The following RPL13A variants were observed in gnomAD, a reference collection of about 807,000 sequenced individuals.
The protein encoded by RPL13A is ribosomal protein L13a.
In RPL13A, 4 loss-of-function variants were observed where a neutral mutation model predicts 30.8. That is an observed-to-expected ratio of 0.13 (90% CI 0.06 to 0.30). RPL13A has a LOEUF of 0.30. Ranked by LOEUF, RPL13A falls within the 10% of genes least tolerant of loss-of-function variation. RPL13A has a pLI of 1.00. For synonymous variants in RPL13A, 108 were observed against 104.2 expected (o/e 1.04, Z -0.22); for missense variants, 196 against 272.6 (o/e 0.72, Z 1.98).
At chr19:49,490,137 C>T in intron 2 of RPL13A, 95 bp from the exon 3 acceptor site, 3 of 1,261,032 alleles carry the variant, frequency 2.4e-6, no homozygotes, top group South Asian at 2.4e-5. Context: ...GAACTTAGCT[C>T]TGGCAAGTAC....
chr19:49,490,244 T>A lies in RPL13A; in HGVS notation c.101T>A (p.Val34Glu). ...AKQVLLGRKVVVVRCEGINIS... is the reference protein window; with the variant it reads ...AKQVLLGRKVEVVRCEGINIS... ...TCCCTCCCTCTAGGCCGGAAGGTGG[T>A]GGTCGTACGCTGTGAAGGCATCAAC... The change falls in exon 3 of 8, where the codon GTG (valine) becomes GAG (glutamate). Residue 34 changes from valine (V) to glutamate (E), a missense_variant. Coordinates refer to ENST00000391857, the MANE Select transcript of RPL13A (RefSeq NM_012423.4). 1.9e-6 allele frequency: 3 copies of A among 1,614,066 alleles called. No individual in the cohort carries two copies. The highest frequency in any genetic ancestry group is 2.5e-6 in the Non-Finnish European group (3 of 1,180,030).
At chr19:49,491,126 C>G (rs2079863509) in intron 6 of RPL13A, 27 bp downstream of exon 6, 2 of 1,613,616 alleles carry the variant, frequency 1.2e-6, no homozygotes, top group East Asian at 4.5e-5. Context: ...GCTGCACCAT[C>G]TACTTGGGAG....
chr19:49,491,975 G>A lies in RPL13A; in HGVS notation c.*160G>A, dbSNP rs531536134. ...GAAAGGGTCTTAGTCACTGCCTCCCGAAGTTGCTTGAAAGCACTCGGAGAA... is the reference window on the plus strand; with the variant it reads ...GAAAGGGTCTTAGTCACTGCCTCCCAAAGTTGCTTGAAAGCACTCGGAGAA... On this transcript the variant is annotated 3_prime_UTR_variant, in exon 8 of 8. Coordinates refer to ENST00000391857, the MANE Select transcript of RPL13A (RefSeq NM_012423.4). The A allele has an allele frequency of 3.3e-5, 20 of 606,870 alleles. 1 individual carries two copies. Among genetic ancestry groups the A allele is most frequent in the Middle Eastern group, 2.6e-4 (1 of 3,860 alleles). 37.6% of individuals were successfully genotyped at this position (606,870 alleles called of 1,614,324 possible). A position where few individuals can be genotyped will look rare whatever the true frequency, so the allele number is the denominator to read the frequency against.
At chr19:49,490,125 AG>A (rs2079850618) in intron 2 of RPL13A, 106 bp from the exon 3 acceptor site, 1 of 1,195,680 alleles carries the variant, frequency 8.4e-7, no homozygotes, top group East Asian at 2.3e-5. Flanking sequence ...TCATTTAAAC[AG>A]GAACTTAGCT....
rs143993178 is a variant in RPL13A, at chr19:49,491,305, A to C, written c.403-120A>C. On this transcript the variant is annotated intron_variant, in intron 6 of 7. Coordinates refer to ENST00000391857, the MANE Select transcript of RPL13A (RefSeq NM_012423.4). ...TAACAGGCCTGCAGAGAACAGTTGC[A>C]TTATGATATGCCCAGCTGTCAGTCA... is the stretch of plus-strand genomic sequence containing the variant. The C allele has an allele frequency of 8.2e-4, 960 of 1,167,446 alleles. 3 individuals are homozygous for C. In the African/African-American group the frequency reaches 0.01, roughly 12 times the overall value. 72.3% of individuals were successfully genotyped at this position (1,167,446 alleles called of 1,614,324 possible). A position where few individuals can be genotyped will look rare whatever the true frequency, so the allele number is the denominator to read the frequency against.
rs2079847834 is a variant in RPL13A at position 49,489,941 on chromosome 19, C to T, written c.88+19C>T. 6.2e-7 allele frequency: 1 copy of T among 1,603,736 alleles called. No homozygotes were observed. The highest frequency in any genetic ancestry group is 1.3e-5 in the African/African-American group (1 of 74,842). The stretch of plus-strand genomic sequence containing the variant: ...CTGCTGGGTAAGTCGCTGCTCGTGG[C>T]CCCTCTGTCATGGGCCCCCGCTGGA... On this transcript the variant is annotated intron_variant, in intron 2 of 7. Transcript: ENST00000391857.
chr19:49,488,504 TC>T (rs1373849709), intron 1 of RPL13A, among the ~76,000 whole-genome samples: 3 of 152,244 alleles, frequency 2.0e-5, no homozygotes, highest in Non-Finnish European at 4.4e-5. Flanking sequence ...TTTGCGTAGT[TC>T]AGTTAACCAT....
chr19:49,489,945 T>A lies in RPL13A; in HGVS notation c.88+23T>A, dbSNP rs545314014. On this transcript the variant is annotated intron_variant, in intron 2 of 7. Coordinates refer to ENST00000391857, the MANE Select transcript of RPL13A (RefSeq NM_012423.4). ...TGGGTAAGTCGCTGCTCGTGGCCCC[T>A]CTGTCATGGGCCCCCGCTGGAGGTC... 98 of 1,589,602 alleles carry A rather than the reference T, an allele frequency of 6.2e-5. 1 individual carries two copies. The South Asian group carries it at 9.5e-4, about 15-fold the overall frequency.
intron 1 of RPL13A, 104 bp from the exon 2 acceptor site, chr19:49,489,746 A>G: frequency 1.1e-6 from 1 of 920,550 alleles, no homozygotes; most frequent in South Asian, 1.3e-5. Flanking sequence ...GCTGGGTGCA[A>G]GGCACGCTGT....
At chr19:49,488,604 G>A (rs533124389) in intron 1 of RPL13A, among the ~76,000 whole-genome samples, 1 of 152,362 alleles carries the variant, frequency 6.6e-6, no homozygotes, top group East Asian at 1.9e-4. Flanking sequence ...ACGACTTCAG[G>A]AAGTCTGTCT....
At position 49,491,735 on chromosome 19, in the gene RPL13A, C is replaced by T. The variant is rs201780488; in HGVS notation, c.532C>T (p.Arg178Trp). 3.5e-5 allele frequency: 57 copies of T among 1,613,174 alleles called. No individual in the cohort carries two copies. The highest frequency in any genetic ancestry group is 1.8e-4 in the Admixed American group (11 of 59,844). The change falls in exon 8 of 8, where the codon CGG becomes TGG. Residue 178 changes from arginine (R) to tryptophan (W), a missense_variant. Arg to Trp is a moderately radical substitution (Grantham distance 101). Coordinates refer to ENST00000391857, the MANE Select transcript of RPL13A (RefSeq NM_012423.4). ...YRKKKQLMRL[R>W]KQAEKNVEKK... is the part of the protein sequence containing the mutation. The stretch of plus-strand genomic sequence containing the variant: ...CTGCACTTATTCTTGGCAGAGGCTA[C>T]GGAAACAGGCCGAGAAGAACGTGGA...
chr19:49,490,859 G>A lies in RPL13A; in HGVS notation c.337G>A (p.Asp113Asn), dbSNP rs141525493. 4.3e-6 allele frequency: 7 copies of A among 1,613,984 alleles called. No homozygotes were observed. Among genetic ancestry groups the A allele is most frequent in the South Asian group, 1.1e-5 (1 of 91,078 alleles). Residue 113 changes from aspartate (D) to asparagine (N), a missense_variant, in exon 5 of 8, where the codon GAC (aspartate) becomes AAC (asparagine). Physicochemically the swap from Asp to Asn is conservative, Grantham distance 23. Transcript: ENST00000391857. The stretch of plus-strand genomic sequence containing the variant: ...GTTTGACGGCATCCCACCGCCCTAC[G>A]ACAAGGTGAGCTATGCCAAACCCCA... ...KVFDGIPPPY[D>N]KKKRMVVPAA...
chr19:49,490,058 C>A, intron 2 of RPL13A, 136 bp downstream of exon 2: 1 of 1,007,930 alleles, frequency 9.9e-7, no homozygotes. Flanking sequence ...GCCAGCCACT[C>A]TTCCCCAGGG....
chr19:49,490,676 A>T, intron 4 of RPL13A, 100 bp downstream of exon 4: 1 of 1,563,632 alleles, frequency 6.4e-7, no homozygotes, highest in South Asian at 1.1e-5. Context: ...AGATGACTCC[A>T]CATGCACTAC....
At position 49,487,618 on chromosome 19, in the gene RPL13A, C is replaced by A. The variant is rs533514670; in HGVS notation, c.-12C>A. On this transcript the variant is annotated 5_prime_UTR_variant, in exon 1 of 8. Coordinates refer to ENST00000391857, the MANE Select transcript of RPL13A (RefSeq NM_012423.4). ...CGACAAAACCTCCTCCTTTTCCAAG[C>A]GGCTGCCGAAGATGGCGGAGGTGCA... 2.5e-6 allele frequency: 4 copies of A among 1,575,770 alleles called. No individual in the cohort carries two copies. The East Asian group carries it at 9.3e-5, about 37-fold the overall frequency.
chr19:49,489,714 T>C (rs1391129356), intron 1 of RPL13A, 136 bp from the exon 2 acceptor site: 3 of 745,152 alleles, frequency 4.0e-6, no homozygotes, highest in African/African-American at 1.7e-5. Context: ...CGGGGCTCCG[T>C]GCATAGTTCC....
chr19:49,492,125 T>A lies in RPL13A; in HGVS notation c.*310T>A. ...TGGGGCATCTGTTGGACTTTCCACC[T>A]GGTCATATACTCTGCAGCTGTTAGA... On this transcript the variant is annotated 3_prime_UTR_variant, in exon 8 of 8. Transcript: ENST00000391857. 2.8e-6 allele frequency: 1 copy of A among 353,100 alleles called. No individual in the cohort carries two copies. The highest frequency in any genetic ancestry group is 2.8e-5 in the South Asian group (1 of 35,514). 21.9% of individuals were successfully genotyped at this position (353,100 alleles called of 1,614,324 possible). A position where few individuals can be genotyped will look rare whatever the true frequency, so the allele number is the denominator to read the frequency against.
rs2079858894 is a variant in RPL13A at position 49,490,805 on chromosome 19, G to A, written c.283G>A (p.Gly95Ser). The A allele has an allele frequency of 6.2e-7, 1 of 1,614,160 alleles. No homozygotes were observed. The highest frequency in any genetic ancestry group is 2.2e-5 in the East Asian group (1 of 44,874). The change falls in exon 5 of 8, where the codon GGC (glycine) becomes AGC (serine). Residue 95 changes from glycine to serine, a missense_variant. Transcript: ENST00000391857. ...RGMLPHKTKR[G>S]QAALDRLKVF... is the part of the protein sequence containing the mutation. ...TATGCTGCCCCACAAAACCAAGCGAGGCCAGGCCGCTCTGGACCGTCTCAA... is the reference window on the plus strand; with the variant it reads ...TATGCTGCCCCACAAAACCAAGCGAAGCCAGGCCGCTCTGGACCGTCTCAA...
Position 49,489,831 on chromosome 19 carries a change from T to C in RPL13A, c.16-19T>C, listed in dbSNP as rs202204903. On this transcript the variant is annotated intron_variant, in intron 1 of 7. Transcript: ENST00000391857. ...AGGCTGTCCTTGTCTCTGAGTCCTT[T>C]TGCCCTTGTCTCCCACAGGTCCTGG... The C allele has an allele frequency of 1.9e-6, 3 of 1,553,334 alleles. No homozygotes were observed. Among genetic ancestry groups the C allele is most frequent in the East Asian group, 5.1e-5 (2 of 38,938 alleles).
Sources: gnomAD v4.1 joint callset for allele counts (sites outside exome capture counted in the v4.1 genomes callset) on GRCh38, gnomAD v4.1.1 for gene constraint, MANE v1.5 for transcripts, NCBI Gene and HGNC (gene_info 2026-07-23, HGNC 2026-07-21) for gene names.